The following ENTPD1 variants were observed in gnomAD, a reference collection of about 807,000 sequenced individuals.
The protein encoded by ENTPD1 is ATP diphosphohydrolase.
Under a neutral mutation model 57.0 loss-of-function variants are expected in ENTPD1, and 33 were observed. That is an observed-to-expected ratio of 0.58 (90% CI 0.44 to 0.77). The LOEUF is 0.77. Among genes scored for constraint, ENTPD1 ranks in the 30% least tolerant of loss-of-function variants. The probability of loss-of-function intolerance (pLI) is 0.00; values close to 1 mark genes in which losing one functional copy is unlikely to be tolerated. For missense variants in ENTPD1, 501 were observed against 603.4 expected (o/e 0.83, Z 1.78); for synonymous variants, 202 against 218.8 (o/e 0.92, Z 0.68).
intron 2 of ENTPD1, among the ~76,000 whole-genome samples, chr10:95,829,161 T>G (rs2098388471): frequency 6.6e-6 from 1 of 152,226 alleles, no homozygotes; most frequent in Admixed American, 6.5e-5. Flanking sequence ...CACATCCTAT[T>G]AACAGAAATT....
chr10:95,767,470 A>G (rs541982530), intron 1 of ENTPD1, among the ~76,000 whole-genome samples: 28 of 152,114 alleles, frequency 1.8e-4, no homozygotes, highest in African/African-American at 6.5e-4. Flanking sequence ...TTCTTATTTT[A>G]AATATTTAAT....
the ENTPD1 span, among the ~76,000 whole-genome samples, chr10:95,703,649 G>A: frequency 2.6e-5 from 4 of 152,084 alleles, no homozygotes; most frequent in African/African-American, 9.7e-5. Flanking sequence ...AGGCGTGGTG[G>A]CAGGCGCCTG....
chr10:95,795,812 T>C (rs1305944466), intron 1 of ENTPD1, among the ~76,000 whole-genome samples: 3 of 152,130 alleles, frequency 2.0e-5, no homozygotes, highest in Admixed American at 6.6e-5. Flanking sequence ...CAATGGAGAG[T>C]TAACCATGTT....
In ENTPD1 at chr10:95,868,748, T is replaced by C; in HGVS notation, c.*2365T>C. ...ATTGCTTTTTCTTTTCTAAACACTTTCCCTCAGCAAGTTGGAATTAGACTT... is the reference window on the plus strand; with the variant it reads ...ATTGCTTTTTCTTTTCTAAACACTTCCCCTCAGCAAGTTGGAATTAGACTT... On this transcript the variant is annotated 3_prime_UTR_variant, in exon 10 of 10. Transcript: ENST00000371205. 1 of 985,312 alleles carries C rather than the reference T, an allele frequency of 1.0e-6. No homozygotes were observed. Among genetic ancestry groups the C allele is most frequent in the Non-Finnish European group, 1.2e-6 (1 of 829,918 alleles). 61.0% of individuals were successfully genotyped at this position (985,312 alleles called of 1,614,324 possible).
At chr10:95,813,472 T>A (rs1340806222) in intron 1 of ENTPD1, among the ~76,000 whole-genome samples, 7 of 152,084 alleles carry the variant, frequency 4.6e-5, no homozygotes, top group Admixed American at 3.9e-4. Flanking sequence ...CCATAGTTAG[T>A]GGTCTCTTAT....
intron 2 of ENTPD1, among the ~76,000 whole-genome samples, chr10:95,830,048 T>C (rs2098391578): frequency 6.6e-6 from 1 of 152,166 alleles, no homozygotes; most frequent in Admixed American, 6.5e-5. Context: ...CCTGAGATGT[T>C]GCCTCTTGAC....
At chr10:95,785,995 C>G (rs897436673) in intron 1 of ENTPD1, among the ~76,000 whole-genome samples, 8 of 152,130 alleles carry the variant, frequency 5.3e-5, no homozygotes, top group African/African-American at 1.9e-4. Flanking sequence ...CTCTTGTTAT[C>G]TAAGGAGGCA....
At chr10:95,734,765 C>A (rs2097992782) in intron 1 of ENTPD1, among the ~76,000 whole-genome samples, 2 of 152,178 alleles carry the variant, frequency 1.3e-5, no homozygotes, top group African/African-American at 4.8e-5. Flanking sequence ...ATCCATATTG[C>A]CCATCCTCCG....
chr10:95,708,954 T>C (rs944315346), upstream of ENTPD1, among the ~76,000 whole-genome samples: 15 of 152,324 alleles, frequency 9.8e-5, no homozygotes, highest in African/African-American at 3.4e-4. Context: ...ATACAATAAT[T>C]ACAAATTGAG....
chr10:95,875,338 C>T lies in ENTPD1; in HGVS notation c.*8955C>T, dbSNP rs572155129. The T allele has an allele frequency of 6.6e-6, 1 of 152,318 alleles. No homozygotes were observed. Among genetic ancestry groups the T allele is most frequent in the Admixed American group, 6.5e-5 (1 of 15,302 alleles). 9.4% of individuals were successfully genotyped at this position (152,318 alleles called of 1,614,324 possible). A position where few individuals can be genotyped will look rare whatever the true frequency, so the allele number is the denominator to read the frequency against. ...CTCTAAGTTCCACAAATCTCTAGGG[C>T]AAGGGTGAAATGCTGCCAGTCTCCT... On this transcript the variant is annotated 3_prime_UTR_variant, in exon 10 of 10. Transcript: ENST00000371205.
At chr10:95,847,397 G>C in intron 6 of ENTPD1, 49 bp from the exon 7 acceptor site, 1 of 1,611,780 alleles carries the variant, frequency 6.2e-7, no homozygotes. Context: ...TGTACCTTTT[G>C]TATCCAAAGC....
intron 1 of ENTPD1, among the ~76,000 whole-genome samples, chr10:95,776,599 C>T (rs547818480): frequency 6.6e-6 from 1 of 152,092 alleles, no homozygotes; most frequent in Admixed American, 6.6e-5. Flanking sequence ...GTGAATCTGA[C>T]AATTATGTGT....
chr10:95,721,817 G>A (rs1197925684), intron 1 of ENTPD1, among the ~76,000 whole-genome samples: 1 of 152,048 alleles, frequency 6.6e-6, no homozygotes. Flanking sequence ...TCTGCTTATC[G>A]GGTTAGTTAC....
At chr10:95,712,635 C>T (rs2097966924) in intron 1 of ENTPD1, among the ~76,000 whole-genome samples, 1 of 152,046 alleles carries the variant, frequency 6.6e-6, no homozygotes, top group Non-Finnish European at 1.5e-5. Flanking sequence ...AATTCTAATC[C>T]CAGGAGGGCC....
intron 1 of ENTPD1, among the ~76,000 whole-genome samples, chr10:95,786,513 C>T (rs1047708623): frequency 2.0e-5 from 3 of 152,224 alleles, no homozygotes; most frequent in Admixed American, 6.5e-5. Context: ...GAAAGCGAAC[C>T]CTGGTGTTAG....
At position 95,775,089 on chromosome 10, in the gene ENTPD1, A is replaced by G. The variant is rs192752655; in HGVS notation, c.16+18834A>G. Among the ~76,000 whole-genome samples, 11 of 152,270 alleles carry G rather than the reference A, an allele frequency of 7.2e-5. No homozygotes were observed. The South Asian group carries it at 1.5e-3, about 20-fold the overall frequency. On this transcript the variant is annotated intron_variant, in intron 1 of 9. Transcript: ENST00000371205. The stretch of plus-strand genomic sequence containing the variant: ...TTCCTAGGTATTTTATTCTCTTTGA[A>G]GCAATTCTGAATGGGAGTTCACTCA...
chr10:95,734,656 TGTA>T (rs2097992680), intron 1 of ENTPD1, among the ~76,000 whole-genome samples: 1 of 152,234 alleles, frequency 6.6e-6, no homozygotes, highest in Non-Finnish European at 1.5e-5. Context: ...TAACTGTACA[TGTA>T]GTAAATGTTT....
At chr10:95,697,032 G>T in the ENTPD1 span, among the ~76,000 whole-genome samples, 2,448 of 152,260 alleles carry the variant, frequency 0.016, 28 homozygotes, top group Non-Finnish European at 0.027. Context: ...GACATTATAA[G>T]AATACTTGAA....
intron 1 of ENTPD1, among the ~76,000 whole-genome samples, chr10:95,725,899 G>T (rs1354552679): frequency 6.6e-6 from 1 of 152,154 alleles, no homozygotes; most frequent in Non-Finnish European, 1.5e-5. Flanking sequence ...CAAAACCGTG[G>T]GGTTTTCCCT....
Sources: allele counts gnomAD v4.1 joint callset (sites outside exome capture counted in the v4.1 genomes callset), GRCh38; gene constraint gnomAD v4.1.1; transcripts MANE v1.5; gene names NCBI Gene and HGNC (gene_info 2026-07-23, HGNC 2026-07-21).